The following LUZP2 variants were observed in gnomAD, a reference collection of about 807,000 sequenced individuals.
LUZP2 encodes leucine zipper protein 2.
Under a neutral mutation model 51.6 loss-of-function variants are expected in LUZP2, and 52 were observed. The ratio of observed to expected loss-of-function variants is 1.01; its 90% CI spans 0.81 to 1.27. The LOEUF is 1.27. Among genes scored for constraint, LUZP2 ranks in the 50% most tolerant of loss-of-function variants. The pLI, the probability that LUZP2 is intolerant of heterozygous loss-of-function variation, is 0.00. For synonymous variants in LUZP2, 154 were observed against 137.3 expected (o/e 1.12, Z -0.85); for missense variants, 436 against 395.4 (o/e 1.10, Z -0.87).
At chr11:24,769,566 A>G (rs77624487) in intron 5 of LUZP2, among the ~76,000 whole-genome samples, 6 of 152,154 alleles carry the variant, frequency 3.9e-5, no homozygotes, top group Middle Eastern at 3.4e-3. Flanking sequence ...AATTTAAACT[A>G]GTTTCTGATA....
At chr11:24,665,237 A>C (rs1856174500) in intron 1 of LUZP2, among the ~76,000 whole-genome samples, 1 of 152,174 alleles carries the variant, frequency 6.6e-6, no homozygotes, top group Non-Finnish European at 1.5e-5. Context: ...TGGAGCCTGT[A>C]AGCCCCTTTG....
chr11:24,689,827 T>G (rs1032284862), intron 1 of LUZP2, among the ~76,000 whole-genome samples: 2 of 152,164 alleles, frequency 1.3e-5, no homozygotes, highest in Non-Finnish European at 2.9e-5. Context: ...CATAACGCTT[T>G]CCATTGCTAC....
intron 1 of LUZP2, among the ~76,000 whole-genome samples, chr11:24,547,294 A>G (rs1190892699): frequency 6.6e-6 from 1 of 152,114 alleles, no homozygotes; most frequent in Non-Finnish European, 1.5e-5. Flanking sequence ...AGCTGGAGGC[A>G]TTACACTACC....
intron 5 of LUZP2, among the ~76,000 whole-genome samples, chr11:24,842,586 C>A (rs1851069969): frequency 6.6e-6 from 1 of 151,810 alleles, no homozygotes; most frequent in African/African-American, 2.4e-5. Context: ...AAATTGATAG[C>A]CTGCTGACAA....
At chr11:24,920,925 T>C (rs980530335) in intron 7 of LUZP2, among the ~76,000 whole-genome samples, 7 of 152,042 alleles carry the variant, frequency 4.6e-5, no homozygotes, top group African/African-American at 9.7e-5. Flanking sequence ...AAATTGCACT[T>C]ACACCCCTTA....
At position 24,617,277 on chromosome 11, in the gene LUZP2, G is replaced by GT. The variant is rs959348942; in HGVS notation, c.63-111886dup. Reference sequence around the variant, plus strand: ...GCCTATTTGTTGAGTTTTTAACTTTGTTTTTTCTGTATTTTTAGTTAAAAA... The same window carrying GT: ...GCCTATTTGTTGAGTTTTTAACTTTGTTTTTTTCTGTATTTTTAGTTAAAAA... On this transcript the variant is annotated intron_variant, in intron 1 of 11. Transcript: ENST00000336930. Among the ~76,000 whole-genome samples the GT allele has an allele frequency of 1.3e-5, 2 of 149,132 alleles. 1 individual carries two copies. The highest frequency in any genetic ancestry group is 3.0e-5 in the Non-Finnish European group (2 of 67,184).
intron 1 of LUZP2, among the ~76,000 whole-genome samples, chr11:24,727,244 G>A (rs1456676337): frequency 7.2e-5 from 11 of 151,970 alleles, no homozygotes; most frequent in South Asian, 2.1e-4. Context: ...CTTGAAGGAC[G>A]CAATGAACAT....
At chr11:24,634,238 T>C (rs955906380) in intron 1 of LUZP2, among the ~76,000 whole-genome samples, 1 of 152,004 alleles carries the variant, frequency 6.6e-6, no homozygotes, top group Middle Eastern at 3.4e-3. Flanking sequence ...AACATGGCAA[T>C]AAAAACAGCA....
At chr11:24,690,869 A>C (rs957325512) in intron 1 of LUZP2, among the ~76,000 whole-genome samples, 2 of 152,084 alleles carry the variant, frequency 1.3e-5, no homozygotes, top group Admixed American at 6.6e-5. Context: ...AATTTTTGAA[A>C]GATACAGAAC....
chr11:24,613,013 C>T (rs73433055), intron 1 of LUZP2, among the ~76,000 whole-genome samples: 2,874 of 152,144 alleles, frequency 0.019, 97 homozygotes, highest in African/African-American at 0.066. Flanking sequence ...CCACAGGAAA[C>T]AAATGTCCAT....
At chr11:24,916,957 T>A (rs535823919) in intron 7 of LUZP2, among the ~76,000 whole-genome samples, 23 of 152,096 alleles carry the variant, frequency 1.5e-4, no homozygotes, top group Non-Finnish European at 2.6e-4. Flanking sequence ...TCAACAGTGT[T>A]AAAGTGTTCC....
chr11:24,831,325 C>T (rs1850699701), intron 5 of LUZP2, among the ~76,000 whole-genome samples: 1 of 152,172 alleles, frequency 6.6e-6, no homozygotes, highest in South Asian at 2.1e-4. Flanking sequence ...AAGTTTTACA[C>T]AGAGAGATAC....
intron 1 of LUZP2, among the ~76,000 whole-genome samples, chr11:24,567,773 C>T (rs1046971911): frequency 3.2e-4 from 49 of 152,126 alleles, no homozygotes; most frequent in African/African-American, 1.2e-3. Context: ...ATAAATGAGA[C>T]TTTATATAAA....
intron 5 of LUZP2, among the ~76,000 whole-genome samples, chr11:24,881,130 T>C (rs1402611674): frequency 6.6e-6 from 1 of 152,184 alleles, no homozygotes; most frequent in East Asian, 1.9e-4. Context: ...GTCTGTGGTA[T>C]ATGAATTTAA....
intron 7 of LUZP2, among the ~76,000 whole-genome samples, chr11:24,930,507 C>A (rs1023929052): frequency 3.3e-5 from 5 of 152,074 alleles, no homozygotes; most frequent in African/African-American, 4.8e-5. Flanking sequence ...ATACAAAATT[C>A]TTGGCTGGTA....
intron 1 of LUZP2, among the ~76,000 whole-genome samples, chr11:24,687,472 C>A (rs1857331636): frequency 6.6e-6 from 1 of 152,036 alleles, no homozygotes. Context: ...GAGAATGGTA[C>A]CTTTATCAGG....
intron 5 of LUZP2, among the ~76,000 whole-genome samples, chr11:24,784,393 G>A (rs1313941645): frequency 6.6e-6 from 1 of 151,286 alleles, no homozygotes; most frequent in African/African-American, 2.4e-5. Flanking sequence ...AAATTATAAG[G>A]GTATATTGTC....
At chr11:25,011,263 A>G (rs919905048) in intron 9 of LUZP2, among the ~76,000 whole-genome samples, 1 of 152,222 alleles carries the variant, frequency 6.6e-6, no homozygotes, top group Non-Finnish European at 1.5e-5. Flanking sequence ...AAATTATAAT[A>G]TGTACATGAG....
At chr11:24,698,366 G>C (rs1301953761) in intron 1 of LUZP2, among the ~76,000 whole-genome samples, 1 of 152,120 alleles carries the variant, frequency 6.6e-6, no homozygotes, top group African/African-American at 2.4e-5. Flanking sequence ...TAGGACCTTT[G>C]TTCCTAATTG....
Sources: gnomAD v4.1 joint callset for allele counts (sites outside exome capture counted in the v4.1 genomes callset) on GRCh38, gnomAD v4.1.1 for gene constraint, MANE v1.5 for transcripts, NCBI Gene and HGNC (gene_info 2026-07-23, HGNC 2026-07-21) for gene names.